Variants in IKZF1 observed in about 807,000 individuals in gnomAD.
IKZF1 encodes IKAROS family zinc finger 1, also known as DNA-binding protein Ikaros.
IKZF1 carries 10 observed loss-of-function variants against 51.7 expected under a neutral mutation model. The observed-to-expected ratio is 0.19, with a 90% confidence interval of 0.12 to 0.33. The LOEUF is 0.33. Ranked by LOEUF, IKZF1 falls within the 10% of genes least tolerant of loss-of-function variation. The pLI, the probability that IKZF1 is intolerant of heterozygous loss-of-function variation, is 1.00. For synonymous variants in IKZF1, 280 were observed against 282.3 expected, an observed-to-expected ratio of 0.99 and a Z score of 0.08; for missense variants, 484 against 707.5, an observed-to-expected ratio of 0.68 and a Z score of 3.58.
chr7:50,341,362 C>T (rs993258958), intron 3 of IKZF1, among the ~76,000 whole-genome samples: 2 of 152,050 alleles, frequency 1.3e-5, no homozygotes, highest in Non-Finnish European at 2.9e-5. Context: ...AGGCTGGTCT[C>T]GAACTCCTGA....
chr7:50,337,222 A>G (rs960274390), intron 3 of IKZF1, among the ~76,000 whole-genome samples: 4 of 152,206 alleles, frequency 2.6e-5, no homozygotes, highest in Admixed American at 2.0e-4. Flanking sequence ...TCACAGGACT[A>G]GGGGATGGTA....
chr7:50,327,122 G>A (rs140754802), intron 2 of IKZF1, among the ~76,000 whole-genome samples: 11 of 152,276 alleles, frequency 7.2e-5, no homozygotes, highest in African/African-American at 2.6e-4. Flanking sequence ...TTATACTGTG[G>A]TGATTATTAG....
At chr7:50,374,179 A>T (rs997503056) in intron 3 of IKZF1, among the ~76,000 whole-genome samples, 2 of 152,238 alleles carry the variant, frequency 1.3e-5, no homozygotes, top group African/African-American at 4.8e-5. Context: ...AAACACTGGC[A>T]GTACAATCAG....
chr7:50,308,076 G>C (rs1183462466), intron 1 of IKZF1, among the ~76,000 whole-genome samples: 1 of 152,174 alleles, frequency 6.6e-6, no homozygotes, highest in Non-Finnish European at 1.5e-5. Context: ...CACTTTAGTA[G>C]CTTTAGTTTG....
chr7:50,365,141 C>G (rs1180780223), intron 3 of IKZF1, among the ~76,000 whole-genome samples: 1 of 152,212 alleles, frequency 6.6e-6, no homozygotes, highest in Non-Finnish European at 1.5e-5. Flanking sequence ...ATCCACAGAG[C>G]TCCCAGTGAT....
chr7:50,371,943 T>C (rs999274958), intron 3 of IKZF1, among the ~76,000 whole-genome samples: 2 of 152,210 alleles, frequency 1.3e-5, no homozygotes, highest in Non-Finnish European at 2.9e-5. Flanking sequence ...CCCAGAAACC[T>C]TTTTCACACT....
At chr7:50,321,057 A>C (rs1793137026) in intron 2 of IKZF1, among the ~76,000 whole-genome samples, 2 of 152,198 alleles carry the variant, frequency 1.3e-5, no homozygotes, top group African/African-American at 4.8e-5. Flanking sequence ...AAAGAAAATA[A>C]ATTACATACA....
At chr7:50,382,142 G>C (rs1025726854) in intron 4 of IKZF1, among the ~76,000 whole-genome samples, 3 of 152,086 alleles carry the variant, frequency 2.0e-5, no homozygotes, top group Non-Finnish European at 4.4e-5. Flanking sequence ...TGCTGCTTCA[G>C]TGGCATATTT....
rs374471609 is a variant in IKZF1, at chr7:50,318,418, G to T, written c.-14-630G>T. 186 of 229,260 alleles carry T rather than the reference G, an allele frequency of 8.1e-4. 1 individual carries two copies. The highest frequency in any genetic ancestry group is 3.8e-3 in the African/African-American group (174 of 45,200). 14.2% of individuals were successfully genotyped at this position (229,260 alleles called of 1,614,324 possible). A position where few individuals can be genotyped will look rare whatever the true frequency, so the allele number is the denominator to read the frequency against. ...CGTAGTGAGCGTCACTTCTCCCCGT[G>T]TAAGAGTGCTGGTGAAGGCTGAGGC... On this transcript the variant is annotated intron_variant, in intron 1 of 7. Transcript: ENST00000331340.
intron 3 of IKZF1, among the ~76,000 whole-genome samples, chr7:50,363,106 A>G (rs1171893748): frequency 6.6e-6 from 1 of 152,238 alleles, no homozygotes; most frequent in Admixed American, 6.5e-5. Context: ...ATGAAGCACC[A>G]TCAACATGCA....
intron 3 of IKZF1, among the ~76,000 whole-genome samples, chr7:50,375,649 A>G (rs1183540358): frequency 6.6e-6 from 1 of 152,206 alleles, no homozygotes; most frequent in East Asian, 1.9e-4. Flanking sequence ...TAAAGGTAAC[A>G]GTAATGCAGA....
intron 2 of IKZF1, among the ~76,000 whole-genome samples, chr7:50,324,579 T>C (rs1794351413): frequency 6.6e-6 from 1 of 152,044 alleles, no homozygotes; most frequent in Non-Finnish European, 1.5e-5. Flanking sequence ...TATTCCTTTT[T>C]CTCCCCCATG....
intron 6 of IKZF1, 131 bp downstream of exon 6, chr7:50,387,601 A>C (rs1362101969): frequency 7.4e-7 from 1 of 1,360,284 alleles, no homozygotes; most frequent in African/African-American, 1.5e-5. Flanking sequence ...GAGGGAGGGA[A>C]GTTTTTGGCC....
chr7:50,382,464 A>G, intron 4 of IKZF1, 76 bp from the exon 5 acceptor site: 1 of 1,491,076 alleles, frequency 6.7e-7, no homozygotes, highest in Non-Finnish European at 9.0e-7. Context: ...CCCGTGGGAA[A>G]CAACTTTCTC....
At chr7:50,357,353 C>G (rs1050678901) in intron 3 of IKZF1, among the ~76,000 whole-genome samples, 1 of 150,152 alleles carries the variant, frequency 6.7e-6, no homozygotes, top group East Asian at 2.0e-4. Context: ...CCACCACCCC[C>G]CCACCGCCAA....
intron 3 of IKZF1, among the ~76,000 whole-genome samples, chr7:50,375,106 G>A (rs527901026): frequency 1.3e-5 from 2 of 152,192 alleles, no homozygotes; most frequent in African/African-American, 4.8e-5. Flanking sequence ...GAGAACCATT[G>A]ATTGAAAATG....
chr7:50,320,734 T>C (rs1792996061), intron 2 of IKZF1, among the ~76,000 whole-genome samples: 2 of 152,150 alleles, frequency 1.3e-5, no homozygotes, highest in African/African-American at 4.8e-5. Context: ...GTACAGTTGG[T>C]AAAAGTGAAA....
intron 3 of IKZF1, among the ~76,000 whole-genome samples, chr7:50,334,754 C>A (rs1345757375): frequency 7.2e-6 from 1 of 138,198 alleles, no homozygotes; most frequent in Non-Finnish European, 1.6e-5. Context: ...ATGGGATATG[C>A]GGTGTGTATG....
rs145704313 is a variant in IKZF1, at chr7:50,381,562, T to G, written c.422-978T>G. Among the ~76,000 whole-genome samples the G allele has an allele frequency of 1.5e-3, 221 of 152,340 alleles. 6 individuals are homozygous for G. The East Asian group carries it at 0.032, about 22-fold the overall frequency. On this transcript the variant is annotated intron_variant, in intron 4 of 7. Coordinates refer to ENST00000331340, the MANE Select transcript of IKZF1 (RefSeq NM_006060.6). ...GATACCTGTTTATCCCTTTGTCAGC[T>G]CCAGAATGGAGACACAGGTGCTGCC...
Sources: gnomAD v4.1 joint callset for allele counts (sites outside exome capture counted in the v4.1 genomes callset) on GRCh38, gnomAD v4.1.1 for gene constraint, MANE v1.5 for transcripts, NCBI Gene and HGNC (gene_info 2026-07-23, HGNC 2026-07-21) for gene names.